Variants in UVRAG observed in about 807,000 individuals in gnomAD.
UVRAG encodes the protein UV radiation resistance associated.
UVRAG carries 19 observed loss-of-function variants against 78.0 expected under a neutral mutation model. That is an observed-to-expected ratio of 0.24 (90% CI 0.17 to 0.36). UVRAG has a LOEUF of 0.36. UVRAG is among the 10% of genes least tolerant of loss of function. UVRAG has a pLI of 1.00. For missense variants in UVRAG, 740 were observed against 853.8 expected (o/e 0.87, Z 1.66); for synonymous variants, 323 against 324.6 (o/e 1.00, Z 0.05).
At chr11:75,907,507 T>G (rs1331134237) in intron 5 of UVRAG, among the ~76,000 whole-genome samples, 1 of 151,976 alleles carries the variant, frequency 6.6e-6, no homozygotes, top group Non-Finnish European at 1.5e-5. Context: ...TGATCCTTCC[T>G]TCCTTCTTTC....
chr11:75,849,630 G>A (rs72997677), intron 1 of UVRAG, among the ~76,000 whole-genome samples: 17,399 of 152,248 alleles, frequency 0.11, 1,097 homozygotes, highest in East Asian at 0.22. Flanking sequence ...AATGCTGACA[G>A]TACAGTGATG....
At chr11:76,073,868 G>C (rs569130416) in intron 13 of UVRAG, among the ~76,000 whole-genome samples, 1 of 152,004 alleles carries the variant, frequency 6.6e-6, no homozygotes, top group Non-Finnish European at 1.5e-5. Flanking sequence ...TTTCAGCTGC[G>C]TATCTGTATA....
Position 75,828,780 on chromosome 11 carries a change from C to CATAT in UVRAG, c.117+13279_117+13282dup, listed in dbSNP as rs71036067. ...ATATATATATATATATATATACACA[C>CATAT]ATATATATATATATATATATATATA... is the stretch of plus-strand genomic sequence containing the variant. On this transcript the variant is annotated intron_variant, in intron 1 of 14. Coordinates refer to ENST00000356136, the MANE Select transcript of UVRAG (RefSeq NM_003369.4). 2.0e-3 allele frequency among the ~76,000 whole-genome samples: 184 copies of CATAT among 92,808 alleles called. 1 individual carries two copies. Among genetic ancestry groups the CATAT allele is most frequent in the Middle Eastern group, 6.8e-3 (1 of 148 alleles). 60.9% of individuals were successfully genotyped at this position (92,808 alleles called of 152,430 possible).
chr11:75,943,506 T>C (rs544760291), intron 6 of UVRAG, among the ~76,000 whole-genome samples: 2 of 152,298 alleles, frequency 1.3e-5, no homozygotes, highest in East Asian at 3.9e-4. Context: ...GATAGTATTA[T>C]GAAAAAATTT....
At chr11:76,112,411 T>C (rs1196714863) in intron 13 of UVRAG, among the ~76,000 whole-genome samples, 3 of 152,248 alleles carry the variant, frequency 2.0e-5, no homozygotes, top group Admixed American at 1.3e-4. Flanking sequence ...GAAAGTTACC[T>C]CCCATGCTAT....
At chr11:76,040,746 G>A (rs1002143411) in intron 12 of UVRAG, among the ~76,000 whole-genome samples, 3 of 151,894 alleles carry the variant, frequency 2.0e-5, no homozygotes, top group Non-Finnish European at 2.9e-5. Flanking sequence ...TAGTAGAGAC[G>A]AGGTTTCACC....
intron 2 of UVRAG, among the ~76,000 whole-genome samples, chr11:75,860,788 C>CT (rs1390851186): frequency 2.0e-5 from 3 of 147,600 alleles, no homozygotes; most frequent in African/African-American, 7.7e-5. Context: ...CTTTTCTTTT[C>CT]TTTTCTTTTT....
At chr11:76,085,550 C>T (rs1951575195) in intron 13 of UVRAG, among the ~76,000 whole-genome samples, 1 of 152,204 alleles carries the variant, frequency 6.6e-6, no homozygotes, top group Non-Finnish European at 1.5e-5. Context: ...ATGAAGGAAG[C>T]AGGGCATTTA....
intron 13 of UVRAG, among the ~76,000 whole-genome samples, chr11:76,082,299 G>T (rs1243896976): frequency 5.3e-5 from 8 of 152,150 alleles, no homozygotes; most frequent in Admixed American, 5.2e-4. Flanking sequence ...CCAGCACTTT[G>T]GGAGGCCGAG....
intron 13 of UVRAG, among the ~76,000 whole-genome samples, chr11:76,111,994 G>A (rs900442111): frequency 6.6e-6 from 1 of 151,504 alleles, no homozygotes; most frequent in African/African-American, 2.4e-5. Context: ...TGAAGAAGGA[G>A]GAGGAGGCAA....
chr11:76,128,699 C>G (rs1459110586), intron 14 of UVRAG, among the ~76,000 whole-genome samples: 1 of 152,102 alleles, frequency 6.6e-6, no homozygotes, highest in Non-Finnish European at 1.5e-5. Context: ...TCACTGCAAC[C>G]TCGAACTCCT....
chr11:75,828,729 G>A (rs1258805607), intron 1 of UVRAG, among the ~76,000 whole-genome samples: 2 of 114,582 alleles, frequency 1.7e-5, no homozygotes, highest in Non-Finnish European at 3.3e-5. Flanking sequence ...ATATGTGTGT[G>A]TGTATATATA....
At chr11:75,988,623 T>G (rs1949545475) in intron 8 of UVRAG, among the ~76,000 whole-genome samples, 1 of 152,182 alleles carries the variant, frequency 6.6e-6, no homozygotes, top group African/African-American at 2.4e-5. Context: ...AATAACTAGG[T>G]GTGGGATTGC....
intron 8 of UVRAG, among the ~76,000 whole-genome samples, chr11:75,991,936 G>T (rs1391579737): frequency 6.6e-6 from 1 of 152,076 alleles, no homozygotes; most frequent in South Asian, 2.1e-4. Context: ...ACACAAGCCG[G>T]TATTAATTGC....
intron 7 of UVRAG, among the ~76,000 whole-genome samples, chr11:75,979,344 G>A (rs766485646): frequency 1.7e-4 from 26 of 152,258 alleles, no homozygotes; most frequent in Non-Finnish European, 3.1e-4. Context: ...TGAGGAGGCA[G>A]TCTGTCCGTT....
chr11:75,998,845 G>T (rs1949755445), intron 8 of UVRAG, among the ~76,000 whole-genome samples: 1 of 152,214 alleles, frequency 6.6e-6, no homozygotes, highest in Non-Finnish European at 1.5e-5. Flanking sequence ...AAAGATTGAG[G>T]ACAGGTTAGG....
chr11:75,925,722 T>A (rs1948085375), intron 6 of UVRAG, among the ~76,000 whole-genome samples: 1 of 152,330 alleles, frequency 6.6e-6, no homozygotes, highest in South Asian at 2.1e-4. Context: ...ATATTAAAAA[T>A]TTTCACTTAA....
chr11:76,114,072 G>GTT (rs1028103700), intron 13 of UVRAG, among the ~76,000 whole-genome samples: 1 of 147,336 alleles, frequency 6.8e-6, no homozygotes, highest in Admixed American at 6.8e-5. Flanking sequence ...ATTTCAGTAA[G>GTT]TTTTTTTTTT....
chr11:75,832,576 C>A (rs181691760), intron 1 of UVRAG, among the ~76,000 whole-genome samples: 148 of 152,282 alleles, frequency 9.7e-4, no homozygotes, highest in African/African-American at 3.4e-3. Context: ...ATGTATCCAC[C>A]ATTTCAGAAG....
Sources: gnomAD v4.1 joint callset for allele counts (sites outside exome capture counted in the v4.1 genomes callset) on GRCh38, gnomAD v4.1.1 for gene constraint, MANE v1.5 for transcripts, NCBI Gene and HGNC (gene_info 2026-07-23, HGNC 2026-07-21) for gene names.